The following CCDC22 variants were observed in gnomAD, a reference collection of about 807,000 sequenced individuals.
CCDC22 encodes coiled-coil domain-containing protein 22.
A neutral mutation model predicts 53.1 loss-of-function variants in CCDC22; 4 were observed. That is an observed-to-expected ratio of 0.08 (90% CI 0.04 to 0.17). The LOEUF is 0.17. Ranked by LOEUF, CCDC22 falls within the 10% of genes least tolerant of loss-of-function variation. The pLI is 1.00. For synonymous variants in CCDC22, 222 were observed against 224.4 expected, an observed-to-expected ratio of 0.99 and a Z score of 0.10; for missense variants, 458 against 554.0, an observed-to-expected ratio of 0.83 and a Z score of 1.74.
intron 2 of CCDC22, chrX:49,239,308 C>A: frequency 4.2e-6 from 1 of 238,656 alleles, no homozygotes; most frequent in Non-Finnish European, 6.0e-6. Context: ...TAAGTTTCCA[C>A]ATGTGTAAAA....
Position 49,249,708 on chromosome X carries a change from C to G in CCDC22, c.1753C>G (p.Arg585Gly). The G allele has an allele frequency of 8.3e-7, 1 of 1,207,660 alleles. No individual in the cohort carries two copies. The highest frequency in any genetic ancestry group is 1.8e-5 in the South Asian group (1 of 56,823). The change falls in exon 16 of 17, where the codon CGA (arginine) becomes GGA (glycine). Residue 585 changes from arginine (R) to glycine (G), a missense_variant. Arg to Gly is a moderately radical substitution (Grantham distance 125). Coordinates refer to ENST00000376227, the MANE Select transcript of CCDC22 (RefSeq NM_014008.5). ...CACAGGCACCATCATGCGGGAGGTTCGAGACCTCGAGGAGCAGGTGAGGCC... is the reference window on the plus strand; with the variant it reads ...CACAGGCACCATCATGCGGGAGGTTGGAGACCTCGAGGAGCAGGTGAGGCC... ...EDTGTIMREV[R>G]DLEEQIETEL...
chrX:49,248,074 G>A (rs1452598030), intron 9 of CCDC22, 117 bp from the exon 10 acceptor site: 42 of 1,159,079 alleles, frequency 3.6e-5, no homozygotes, highest in Non-Finnish European at 4.6e-5. Context: ...GGGGGTCCTC[G>A]GGGTCCTTGG....
Position 49,235,525 on chromosome X carries a change from A to G in CCDC22, c.-112A>G. On this transcript the variant is annotated 5_prime_UTR_variant, in exon 1 of 17. Coordinates refer to ENST00000376227, the MANE Select transcript of CCDC22 (RefSeq NM_014008.5). ...AACTACACTTTCCAACTCTCCCCAC[A>G]CGACCCGTGACACTCTGTGGACCGC... The G allele has an allele frequency of 8.5e-6, 6 of 707,293 alleles. No individual in the cohort carries two copies. Among genetic ancestry groups the G allele is most frequent in the Non-Finnish European group, 1.3e-5 (6 of 454,172 alleles). The allele number at this position is 707,293 out of a possible 1,213,427, so 58.3% of individuals were successfully genotyped here.
rs1410584654 is a variant in CCDC22, at chrX:49,236,922, G to C, written c.51-164G>C. 1.5e-5 allele frequency: 6 copies of C among 388,509 alleles called. No individual in the cohort carries two copies. In the East Asian group the frequency reaches 1.6e-4, roughly 11 times the overall value. 32.0% of individuals were successfully genotyped at this position (388,509 alleles called of 1,213,427 possible). A position where few individuals can be genotyped will look rare whatever the true frequency, so the allele number is the denominator to read the frequency against. On this transcript the variant is annotated intron_variant, in intron 1 of 16. Transcript: ENST00000376227. Reference sequence around the variant, plus strand: ...GGACTTGAGGATTTCCCTAGTTCCTGGTTTTCCAAATGGAAGTCACAGTCA... The same window carrying C: ...GGACTTGAGGATTTCCCTAGTTCCTCGTTTTCCAAATGGAAGTCACAGTCA...
intron 2 of CCDC22, among the ~76,000 whole-genome samples, chrX:49,238,822 G>C (rs2065950918): frequency 8.9e-6 from 1 of 111,759 alleles, no homozygotes; most frequent in African/African-American, 3.3e-5. Flanking sequence ...TCCTGCCTTG[G>C]CCTCCTGAGT....
Position 49,243,250 on chromosome X carries a change from C to T in CCDC22, c.536-34C>T, listed in dbSNP as rs781791796. 4.2e-5 allele frequency: 50 copies of T among 1,195,827 alleles called. No individual in the cohort carries two copies. In the Middle Eastern group the frequency reaches 7.0e-4, roughly 17 times the overall value. On this transcript the variant is annotated intron_variant, in intron 5 of 16. Transcript: ENST00000376227. ...GGGGGAACCTCATAGCGTTGCCATG[C>T]GGCAGGGCCAGCTGACTCTGTTCCT...
rs782598284 is a variant in CCDC22 at position 49,249,523 on chromosome X, C to T, written c.1650C>T (p.Asp550=). The T allele has an allele frequency of 8.4e-6, 10 of 1,194,595 alleles. No homozygotes were observed. Among genetic ancestry groups the T allele is most frequent in the African/African-American group, 5.6e-5 (3 of 53,438 alleles). The part of the protein sequence containing the change: ...DELVFKDAKK[D]DAVRKAYKYL... ...TGTCTGGTCAGGATGCCAAGAAGGA[C>T]GATGCTGTTCGGAAGGCCTATAAGT... Residue 550 remains aspartate (D), a synonymous_variant, in exon 15 of 17, where the codon GAC becomes GAT. Transcript: ENST00000376227.
chrX:49,245,983 GTTTT>G (rs782544477), intron 6 of CCDC22, among the ~76,000 whole-genome samples: 1 of 89,673 alleles, frequency 1.1e-5, no homozygotes, highest in Non-Finnish European at 2.4e-5. Context: ...TTTTTTTTTT[GTTTT>G]TTTTTGTTTT....
In CCDC22 at chrX:49,250,267, C is replaced by T. The variant is rs1299453912; in HGVS notation, c.*6C>T. On this transcript the variant is annotated 3_prime_UTR_variant, in exon 17 of 17. Coordinates refer to ENST00000376227, the MANE Select transcript of CCDC22 (RefSeq NM_014008.5). ...GCCGGGTCCGGGAGGCCTGAGGAGC[C>T]GCCGGCAGAGGTCTCTCCCCAGCCT... The T allele has an allele frequency of 1.1e-5, 11 of 1,043,254 alleles. No individual in the cohort carries two copies. In the African/African-American group the frequency reaches 1.3e-4, roughly 12 times the overall value. 86.0% of individuals were successfully genotyped at this position (1,043,254 alleles called of 1,213,427 possible). A position where few individuals can be genotyped will look rare whatever the true frequency, so the allele number is the denominator to read the frequency against.
intron 6 of CCDC22, among the ~76,000 whole-genome samples, chrX:49,243,988 C>T (rs911823856): frequency 1.1e-4 from 12 of 112,120 alleles, no homozygotes; most frequent in Non-Finnish European, 1.9e-4. Flanking sequence ...AGGGTTTTGC[C>T]ATGTTGGCTA....
In CCDC22 at chrX:49,235,508, T is replaced by C. The variant is rs1353020980; in HGVS notation, c.-129T>C. 17 of 628,842 alleles carry C rather than the reference T, an allele frequency of 2.7e-5. No individual in the cohort carries two copies. The East Asian group carries it at 5.7e-4, about 21-fold the overall frequency. The allele number at this position is 628,842 out of a possible 1,213,427, so 51.8% of individuals were successfully genotyped here. The stretch of plus-strand genomic sequence containing the variant: ...GCCGTGCTCGCTCACAGAACTACAC[T>C]TTCCAACTCTCCCCACACGACCCGT... On this transcript the variant is annotated 5_prime_UTR_variant, in exon 1 of 17. Transcript: ENST00000376227.
intron 6 of CCDC22, among the ~76,000 whole-genome samples, chrX:49,246,471 T>C (rs1297414853): frequency 2.7e-5 from 3 of 111,654 alleles, no homozygotes; most frequent in Non-Finnish European, 5.6e-5. Flanking sequence ...CCCACCCCCC[T>C]CTCTTCCCAC....
chrX:49,240,563 T>TA (rs1324199366), intron 2 of CCDC22, among the ~76,000 whole-genome samples: 1 of 111,181 alleles, frequency 9.0e-6, no homozygotes, highest in African/African-American at 3.3e-5. Context: ...TCCAAAAAAA[T>TA]AAAAAACAGG....
rs1557115034 is a variant in CCDC22 at position 49,249,562 on chromosome X, G to A, written c.1689G>A (p.Leu563=). The A allele has an allele frequency of 4.8e-6, 5 of 1,050,614 alleles. No individual in the cohort carries two copies. The Admixed American group carries it at 1.3e-4, about 27-fold the overall frequency. 86.6% of individuals were successfully genotyped at this position (1,050,614 alleles called of 1,213,427 possible). Residue 563 remains leucine, a synonymous_variant, in exon 15 of 17, where the codon CTG becomes CTA. Transcript: ENST00000376227. ...AGGCCTATAAGTATCTAGCTGCTCT[G>A]CACGAGGTGAGGGGAGACATGTGCC... The part of the protein sequence containing the change: ...VRKAYKYLAA[L]HENCSQLIQT...
At chrX:49,249,412 G>A in intron 14 of CCDC22, 97 bp from the exon 15 acceptor site, 2 of 931,871 alleles carry the variant, frequency 2.1e-6, no homozygotes, top group Non-Finnish European at 3.1e-6. Flanking sequence ...CATGGAGGAT[G>A]AAGCTAGTGG....
At chrX:49,235,826 TACACACAC>T (rs797042658) in intron 1 of CCDC22, 140 bp downstream of exon 1, 223 of 243,182 alleles carry the variant, frequency 9.2e-4, no homozygotes, top group African/African-American at 6.9e-3. Flanking sequence ...CTCACCCCCT[TACACACAC>T]ACACACACAC....
Position 49,237,713 on chromosome X carries a change from A to G in CCDC22, c.228+450A>G, listed in dbSNP as rs1167319148. Among the ~76,000 whole-genome samples, 3 of 108,923 alleles carry G rather than the reference A, an allele frequency of 2.8e-5. No individual in the cohort carries two copies. The Admixed American group carries it at 3.0e-4, about 11-fold the overall frequency. 94.6% of individuals were successfully genotyped at this position (108,923 alleles called of 115,157 possible). A position where few individuals can be genotyped will look rare whatever the true frequency, so the allele number is the denominator to read the frequency against. On this transcript the variant is annotated intron_variant, in intron 2 of 16. Transcript: ENST00000376227. ...GTCTGGGTCATATACTCCTAAACTA[A>G]TCACTCTGTGCTCTGATTGGCCCAG...
intron 5 of CCDC22, 37 bp from the exon 6 acceptor site, chrX:49,243,247 A>G (rs781915959): frequency 2.5e-6 from 3 of 1,199,701 alleles, no homozygotes; most frequent in Non-Finnish European, 3.4e-6. Context: ...TAGCGTTGCC[A>G]TGCGGCAGGG....
Position 49,248,649 on chromosome X carries a change from G to C in CCDC22, c.1346G>C (p.Arg449Pro), listed in dbSNP as rs1557114789. 8.3e-7 allele frequency: 1 copy of C among 1,210,055 alleles called. No homozygotes were observed. Among genetic ancestry groups the C allele is most frequent in the Non-Finnish European group, 1.1e-6 (1 of 894,888 alleles). Residue 449 changes from arginine to proline, a missense_variant, in exon 12 of 17, where the codon CGG becomes CCG. This residue lies in a region of CCDC22 where 309 missense variants were observed against 312.3 expected (regional missense o/e 0.99). Coordinates refer to ENST00000376227, the MANE Select transcript of CCDC22 (RefSeq NM_014008.5). The part of the protein sequence containing the change: ...QDCRELESSR[R>P]LAEIQELHQS... ...TCATGGCAGCTGGAATCTTCTCGAC[G>C]GCTGGCAGAGATCCAAGAACTGCAC...
Sources: allele counts gnomAD v4.1 joint callset (sites outside exome capture counted in the v4.1 genomes callset), GRCh38; gene constraint gnomAD v4.1.1; regional missense constraint gnomAD v4.1.1; transcripts MANE v1.5; gene names NCBI Gene and HGNC (gene_info 2026-07-23, HGNC 2026-07-21).